Variants in CDK5RAP2 observed in about 807,000 individuals in gnomAD.
CDK5RAP2 encodes CDK5 regulatory subunit associated protein 2.
Under a neutral mutation model 232.9 loss-of-function variants are expected in CDK5RAP2, and 147 were observed. The ratio of observed to expected loss-of-function variants is 0.63; its 90% CI spans 0.55 to 0.72. The LOEUF is 0.72. Among genes scored for constraint, CDK5RAP2 ranks in the 30% least tolerant of loss-of-function variants. CDK5RAP2 has a pLI of 0.00. For synonymous variants in CDK5RAP2, 833 were observed against 833.7 expected, an observed-to-expected ratio of 1.00 and a Z score of 0.01; for missense variants, 2,195 against 2,231.5, an observed-to-expected ratio of 0.98 and a Z score of 0.33.
At chr9:120,539,385 G>A (rs2041532559) in intron 5 of CDK5RAP2, among the ~76,000 whole-genome samples, 1 of 152,120 alleles carries the variant, frequency 6.6e-6, no homozygotes, top group Admixed American at 6.5e-5. Flanking sequence ...CAACATTTTA[G>A]CATATAGCCT....
chr9:120,461,116 C>T (rs2037065740), intron 18 of CDK5RAP2, among the ~76,000 whole-genome samples: 1 of 152,152 alleles, frequency 6.6e-6, no homozygotes, highest in Non-Finnish European at 1.5e-5. Flanking sequence ...TATGGTGTGC[C>T]CAATTTATGC....
intron 27 of CDK5RAP2, among the ~76,000 whole-genome samples, chr9:120,417,758 ACTTTT>A (rs948586767): frequency 3.0e-4 from 45 of 152,320 alleles, no homozygotes; most frequent in African/African-American, 1.0e-3. Flanking sequence ...ACAAATGCTG[ACTTTT>A]TAAAAACATA....
chr9:120,501,854 T>C (rs1359153079), intron 12 of CDK5RAP2, among the ~76,000 whole-genome samples: 1 of 152,198 alleles, frequency 6.6e-6, no homozygotes, highest in African/African-American at 2.4e-5. Context: ...AAATGATTGT[T>C]GTTTTGGGGT....
Position 120,550,819 on chromosome 9 carries a change from A to C in CDK5RAP2, c.279T>G (p.His93Gln). 4.3e-6 allele frequency: 7 copies of C among 1,611,516 alleles called. No individual in the cohort carries two copies. The highest frequency in any genetic ancestry group is 5.9e-6 in the Non-Finnish European group (7 of 1,177,610). Reference protein sequence around the residue: ...FLEERMQQEFHGPTEHIYKTN... With the variant: ...FLEERMQQEFQGPTEHIYKTN... ...TTTTGTAGATATGTTCAGTGGGGCC[A>C]TGAAATTCCTGTTGCATTCTTTCCT... is the stretch of plus-strand genomic sequence containing the variant. Residue 93 changes from histidine to glutamine, a missense_variant, in exon 4 of 38, where the codon CAT becomes CAG. Physicochemically the swap from His to Gln is conservative, Grantham distance 24 (BLOSUM62 0). Transcript: ENST00000349780.
chr9:120,527,215 G>C (rs1235738151), intron 10 of CDK5RAP2, among the ~76,000 whole-genome samples: 1 of 152,148 alleles, frequency 6.6e-6, no homozygotes, highest in Non-Finnish European at 1.5e-5. Flanking sequence ...GCAACCATCA[G>C]CTACCACCTT....
Position 120,458,559 on chromosome 9 carries a change from T to C in CDK5RAP2, c.2266A>G (p.Ile756Val), listed in dbSNP as rs2036912058. The change falls in exon 20 of 38, where the codon ATT (isoleucine) becomes GTT (valine). Residue 756 changes from isoleucine to valine, a missense_variant. Transcript: ENST00000349780. Reference protein sequence around the residue: ...NGYLRHTESKISDCDGAHAPG... With the variant: ...NGYLRHTESKVSDCDGAHAPG... ...GCGTGGGCCCCATCACAATCTGAAA[T>C]CTTAGACTCCGTGTGCCTTAAGTAT... The C allele has an allele frequency of 6.2e-7, 1 of 1,614,172 alleles. No homozygotes were observed. Among genetic ancestry groups the C allele is most frequent in the Non-Finnish European group, 8.5e-7 (1 of 1,180,014 alleles).
chr9:120,472,241 C>A (rs1320288029), intron 15 of CDK5RAP2, among the ~76,000 whole-genome samples: 1 of 152,106 alleles, frequency 6.6e-6, no homozygotes, highest in Non-Finnish European at 1.5e-5. Context: ...TAATATTAAA[C>A]CAGGTGAATG....
chr9:120,519,525 A>G (rs2040524969), intron 11 of CDK5RAP2, among the ~76,000 whole-genome samples: 1 of 152,238 alleles, frequency 6.6e-6, no homozygotes, highest in Non-Finnish European at 1.5e-5. Context: ...AACAAAAACT[A>G]TCACAAAAGA....
At chr9:120,452,233 T>G (rs1393832640) in intron 21 of CDK5RAP2, among the ~76,000 whole-genome samples, 3 of 148,334 alleles carry the variant, frequency 2.0e-5, no homozygotes, top group Non-Finnish European at 4.4e-5. Flanking sequence ...GTTAATATAA[T>G]GGCAGTCTCT....
chr9:120,394,441 C>A, intron 36 of CDK5RAP2, 71 bp downstream of exon 36: 9 of 1,610,982 alleles, frequency 5.6e-6, no homozygotes, highest in Non-Finnish European at 7.6e-6. Flanking sequence ...AGTGGGTAAT[C>A]CAGGGCAGAA....
At chr9:120,434,821 G>C (rs748329633) in intron 25 of CDK5RAP2, among the ~76,000 whole-genome samples, 6 of 152,204 alleles carry the variant, frequency 3.9e-5, no homozygotes, top group Non-Finnish European at 8.8e-5. Context: ...TGGCAAAGTG[G>C]AAGTTGTTAG....
chr9:120,440,781 G>T (rs1003171654), intron 23 of CDK5RAP2, among the ~76,000 whole-genome samples: 1 of 152,162 alleles, frequency 6.6e-6, no homozygotes, highest in South Asian at 2.1e-4. Flanking sequence ...AGAAGTCAGT[G>T]CCAGTGTGAG....
chr9:120,408,280 C>T, intron 31 of CDK5RAP2, 67 bp downstream of exon 31: 2 of 1,601,920 alleles, frequency 1.2e-6, no homozygotes, highest in Non-Finnish European at 1.7e-6. Context: ...CCTGTGCCTA[C>T]AGCCAGCTGT....
At chr9:120,491,247 AT>A in intron 13 of CDK5RAP2, 59 bp downstream of exon 13, 2 of 1,240,972 alleles carry the variant, frequency 1.6e-6, no homozygotes. Context: ...CAAAAGAATT[AT>A]TTTTTAAAAA....
At chr9:120,449,124 T>C (rs188766826) in intron 21 of CDK5RAP2, among the ~76,000 whole-genome samples, 1 of 152,310 alleles carries the variant, frequency 6.6e-6, no homozygotes, top group Non-Finnish European at 1.5e-5. Context: ...CCCTTCCACT[T>C]CACCCTGCTC....
chr9:120,458,569 C>T lies in CDK5RAP2; in HGVS notation c.2256G>A (p.Thr752=), dbSNP rs773050443. The change falls in exon 20 of 38, where the codon ACG becomes ACA. Residue 752 remains threonine (T), a synonymous_variant. Transcript: ENST00000349780. The stretch of plus-strand genomic sequence containing the variant: ...CATCACAATCTGAAATCTTAGACTC[C>T]GTGTGCCTTAAGTATCCATTTTTGC... The part of the protein sequence containing the change: ...GGCKNGYLRH[T]ESKISDCDGA... 3.7e-6 allele frequency: 6 copies of T among 1,614,112 alleles called. No homozygotes were observed. Among genetic ancestry groups the T allele is most frequent in the Middle Eastern group, 1.7e-4 (1 of 6,060 alleles).
chr9:120,407,311 G>T, intron 31 of CDK5RAP2, 63 bp from the exon 32 acceptor site: 1 of 1,237,738 alleles, frequency 8.1e-7, no homozygotes, highest in Non-Finnish European at 1.2e-6. Context: ...GCCATCGAAG[G>T]AACTCAATCG....
chr9:120,499,466 GTTA>G (rs1303382011), intron 12 of CDK5RAP2, among the ~76,000 whole-genome samples: 1 of 151,856 alleles, frequency 6.6e-6, no homozygotes, highest in Non-Finnish European at 1.5e-5. Flanking sequence ...TTTTAATTGT[GTTA>G]TTCTTTTCTT....
At chr9:120,523,912 G>A (rs964453012) in intron 11 of CDK5RAP2, among the ~76,000 whole-genome samples, 12 of 151,986 alleles carry the variant, frequency 7.9e-5, no homozygotes, top group Admixed American at 3.3e-4. Flanking sequence ...ATTGGGGGAC[G>A]GAGGGAGGAG....
Sources: allele counts gnomAD v4.1 joint callset (sites outside exome capture counted in the v4.1 genomes callset), GRCh38; gene constraint gnomAD v4.1.1; transcripts MANE v1.5; gene names NCBI Gene and HGNC (gene_info 2026-07-23, HGNC 2026-07-21).